KSR2: variants seen among roughly 807,000 people sequenced by gnomAD.
KSR2 encodes kinase suppressor of ras 2.
In KSR2, 25 loss-of-function variants were observed where a neutral mutation model predicts 107.8. The observed-to-expected ratio is 0.23, with a 90% confidence interval of 0.17 to 0.32. The LOEUF (loss-of-function observed/expected upper bound fraction) is 0.32. Ranked by LOEUF, KSR2 falls within the 10% of genes least tolerant of loss-of-function variation. KSR2 has a pLI of 1.00. For missense variants in KSR2, 887 were observed against 1,268.9 expected, an observed-to-expected ratio of 0.70 and a Z score of 4.57; for synonymous variants, 480 against 507.0, an observed-to-expected ratio of 0.95 and a Z score of 0.71.
Position 117,612,353 on chromosome 12 carries a change from G to A in KSR2, c.1172-29994C>T, listed in dbSNP as rs537250948. On this transcript the variant is annotated intron_variant, in intron 5 of 19. Coordinates refer to ENST00000339824, the MANE Select transcript of KSR2 (RefSeq NM_173598.6). The stretch of plus-strand genomic sequence containing the variant: ...CAGGAGGTGGAGATTTCAGTGAGCC[G>A]AGATCGCACCACTCCACTCCAGCCT... Among the ~76,000 whole-genome samples the A allele has an allele frequency of 8.0e-5, 12 of 150,714 alleles. No individual in the cohort carries two copies. In the South Asian group the frequency reaches 2.1e-3, roughly 26 times the overall value.
chr12:117,738,383 A>G (rs768349086), intron 4 of KSR2, among the ~76,000 whole-genome samples: 1 of 152,174 alleles, frequency 6.6e-6, no homozygotes, highest in Non-Finnish European at 1.5e-5. Flanking sequence ...AACATCATAG[A>G]GTGTACTGAC....
intron 14 of KSR2, chr12:117,517,948 C>T (rs1592948403): frequency 2.2e-6 from 1 of 445,848 alleles, no homozygotes; most frequent in Non-Finnish European, 4.5e-6. Flanking sequence ...CAGGGTTCTC[C>T]ATGCATCTGT....
intron 8 of KSR2, 109 bp downstream of exon 8, chr12:117,558,395 ATG>A: frequency 4.1e-6 from 3 of 730,172 alleles, no homozygotes; most frequent in Non-Finnish European, 7.4e-6. Flanking sequence ...TGCTGGAAGT[ATG>A]TGGGGATCAA....
At position 117,527,056 on chromosome 12, in the gene KSR2, C is replaced by A; in HGVS notation, c.1851+15G>T. 6.2e-7 allele frequency: 1 copy of A among 1,612,460 alleles called. No homozygotes were observed. Among genetic ancestry groups the A allele is most frequent in the Non-Finnish European group, 8.5e-7 (1 of 1,178,578 alleles). Reference sequence around the variant, plus strand: ...GTCCCTGGAAAATGTCGCTTCACTGCTCTCTGATTCTCACCTCCGACGTTG... The same window carrying A: ...GTCCCTGGAAAATGTCGCTTCACTGATCTCTGATTCTCACCTCCGACGTTG... On this transcript the variant is annotated intron_variant, in intron 13 of 19. Coordinates refer to ENST00000339824, the MANE Select transcript of KSR2 (RefSeq NM_173598.6).
At chr12:117,556,575 G>A (rs760461929) in intron 8 of KSR2, among the ~76,000 whole-genome samples, 2 of 152,156 alleles carry the variant, frequency 1.3e-5, no homozygotes, top group Non-Finnish European at 2.9e-5. Flanking sequence ...ACTGCCCGTT[G>A]GCTTTGGGAC....
chr12:117,665,057 T>C (rs1884601563), intron 5 of KSR2, among the ~76,000 whole-genome samples: 1 of 152,188 alleles, frequency 6.6e-6, no homozygotes, highest in African/African-American at 2.4e-5. Flanking sequence ...CTCAGCTATT[T>C]GGGTTACACA....
chr12:117,576,210 A>G (rs975831134), intron 7 of KSR2, among the ~76,000 whole-genome samples: 4 of 152,188 alleles, frequency 2.6e-5, no homozygotes, highest in Non-Finnish European at 5.9e-5. Context: ...CTGTCATCTA[A>G]TTACCTGCCT....
At chr12:117,543,335 T>C (rs1195040933) in intron 9 of KSR2, among the ~76,000 whole-genome samples, 1 of 152,222 alleles carries the variant, frequency 6.6e-6, no homozygotes, top group African/African-American at 2.4e-5. Context: ...TGTAGTGATA[T>C]CTCATTGTGC....
At chr12:117,760,495 A>G (rs926470684) in intron 4 of KSR2, among the ~76,000 whole-genome samples, 3 of 152,240 alleles carry the variant, frequency 2.0e-5, no homozygotes, top group Non-Finnish European at 4.4e-5. Context: ...ATGTATTATG[A>G]TCATTAATAT....
chr12:117,734,020 C>T lies in KSR2; in HGVS notation c.986+26991G>A, dbSNP rs61638955. On this transcript the variant is annotated intron_variant, in intron 4 of 19. Transcript: ENST00000339824. The stretch of plus-strand genomic sequence containing the variant: ...TACACAGGTTGGGTGTGGTGGCTCA[C>T]GCTGGTGCCCAGCACTTTGGGAGGC... 9.3e-3 allele frequency among the ~76,000 whole-genome samples: 1,410 copies of T among 152,278 alleles called. 19 individuals are homozygous for T. Among genetic ancestry groups the T allele is most frequent in the African/African-American group, 0.032 (1,339 of 41,554 alleles).
intron 16 of KSR2, among the ~76,000 whole-genome samples, chr12:117,481,529 A>T (rs1314149299): frequency 6.6e-6 from 1 of 152,194 alleles, no homozygotes; most frequent in Non-Finnish European, 1.5e-5. Flanking sequence ...CTCACTAGAC[A>T]CTAAATTTGC....
chr12:117,737,923 G>T (rs1254930442), intron 4 of KSR2, among the ~76,000 whole-genome samples: 3 of 151,796 alleles, frequency 2.0e-5, no homozygotes, highest in African/African-American at 7.3e-5. Flanking sequence ...AATGTTTAAG[G>T]TTGGCCAGCG....
intron 3 of KSR2, among the ~76,000 whole-genome samples, chr12:117,775,488 A>T (rs1889655509): frequency 6.6e-6 from 1 of 152,224 alleles, no homozygotes; most frequent in Non-Finnish European, 1.5e-5. Flanking sequence ...TTCTCATAAC[A>T]ATCTTGTGAG....
chr12:117,875,093 C>T (rs1161227865), intron 1 of KSR2, among the ~76,000 whole-genome samples: 1 of 152,164 alleles, frequency 6.6e-6, no homozygotes, highest in Non-Finnish European at 1.5e-5. Flanking sequence ...GCATCCGCAG[C>T]GCCTTATTAC....
At chr12:117,830,694 C>T (rs748156023) in intron 3 of KSR2, among the ~76,000 whole-genome samples, 69 of 152,076 alleles carry the variant, frequency 4.5e-4, no homozygotes, top group Non-Finnish European at 6.8e-4. Context: ...TTGAGGCAGA[C>T]GTGGGGAGAA....
At chr12:117,828,704 G>A (rs1045471563) in intron 3 of KSR2, among the ~76,000 whole-genome samples, 1 of 152,192 alleles carries the variant, frequency 6.6e-6, no homozygotes, top group African/African-American at 2.4e-5. Context: ...GGGCCCCTCA[G>A]CCCTGGCCCT....
At chr12:117,580,128 G>A (rs758118162) in intron 6 of KSR2, among the ~76,000 whole-genome samples, 48 of 152,296 alleles carry the variant, frequency 3.2e-4, no homozygotes, top group Non-Finnish European at 6.5e-4. Flanking sequence ...TGGAGTCTGA[G>A]AATTTCGAGG....
intron 1 of KSR2, among the ~76,000 whole-genome samples, chr12:117,881,484 C>T (rs935938695): frequency 6.6e-6 from 1 of 152,224 alleles, no homozygotes; most frequent in Non-Finnish European, 1.5e-5. Flanking sequence ...GTGACTGTCC[C>T]ACCAAGTCTG....
chr12:117,837,672 G>C (rs1174201719), intron 3 of KSR2, among the ~76,000 whole-genome samples: 1 of 152,178 alleles, frequency 6.6e-6, no homozygotes, highest in Admixed American at 6.5e-5. Context: ...GAGCCACTGA[G>C]AGCATCCTGG....
Sources: allele counts gnomAD v4.1 joint callset (sites outside exome capture counted in the v4.1 genomes callset), GRCh38; gene constraint gnomAD v4.1.1; transcripts MANE v1.5; gene names NCBI Gene and HGNC (gene_info 2026-07-23, HGNC 2026-07-21).